GRAMD1B: variants seen among roughly 807,000 people sequenced by gnomAD.
GRAMD1B encodes GRAM domain containing 1B, also known as protein Aster-B.
In GRAMD1B, 37 loss-of-function variants were observed where a neutral mutation model predicts 99.7. The observed-to-expected ratio is 0.37, with a 90% CI of 0.29 to 0.49. The LOEUF (loss-of-function observed/expected upper bound fraction) is 0.49, where lower values mean the gene tolerates loss of function less well. Among genes scored for constraint, GRAMD1B ranks in the 20% least tolerant of loss-of-function variants. GRAMD1B has a pLI of 0.98. For synonymous variants in GRAMD1B, 427 were observed against 387.6 expected (o/e 1.10, Z -1.19); for missense variants, 888 against 1,009.2 (o/e 0.88, Z 1.63).
At chr11:123,361,596 G>A (rs1015983640) in intron 1 of GRAMD1B, among the ~76,000 whole-genome samples, 2 of 152,120 alleles carry the variant, frequency 1.3e-5, no homozygotes, top group Non-Finnish European at 2.9e-5. Context: ...GTCTAGGCAC[G>A]GTCATTCTTC....
At chr11:123,397,750 C>G (rs1338423498) in intron 1 of GRAMD1B, among the ~76,000 whole-genome samples, 1 of 152,152 alleles carries the variant, frequency 6.6e-6, no homozygotes, top group African/African-American at 2.4e-5. Context: ...CTCAGGCAAT[C>G]CTCCCACCTT....
intron 2 of GRAMD1B, among the ~76,000 whole-genome samples, chr11:123,532,267 T>C (rs1012895171): frequency 6.6e-6 from 1 of 152,208 alleles, no homozygotes; most frequent in Non-Finnish European, 1.5e-5. Context: ...TAGAATGTCA[T>C]GGCCCTTCTA....
intron 2 of GRAMD1B, among the ~76,000 whole-genome samples, chr11:123,533,610 A>T (rs1943646822): frequency 6.6e-6 from 1 of 152,036 alleles, no homozygotes; most frequent in South Asian, 2.1e-4. Context: ...TATTTTTAAT[A>T]GAGACAAGAT....
intron 2 of GRAMD1B, chr11:123,526,229 G>A (rs752017008): frequency 7.6e-5 from 111 of 1,463,052 alleles, no homozygotes; most frequent in Non-Finnish European, 9.6e-5. Context: ...CCCTGTGCTC[G>A]CCCCAGCACC....
intron 2 of GRAMD1B, among the ~76,000 whole-genome samples, chr11:123,518,689 C>T (rs925676151): frequency 1.3e-5 from 2 of 152,206 alleles, no homozygotes; most frequent in Non-Finnish European, 2.9e-5. Flanking sequence ...TTTAGCACTT[C>T]ACTGGGCTGC....
intron 1 of GRAMD1B, among the ~76,000 whole-genome samples, chr11:123,463,594 C>G (rs1950536471): frequency 6.6e-6 from 1 of 152,234 alleles, no homozygotes; most frequent in Non-Finnish European, 1.5e-5. Flanking sequence ...CTGGTAATAA[C>G]TGTGCCAACT....
At chr11:123,396,731 T>C (rs1565472171) in intron 1 of GRAMD1B, among the ~76,000 whole-genome samples, 1 of 152,232 alleles carries the variant, frequency 6.6e-6, no homozygotes, top group Non-Finnish European at 1.5e-5. Flanking sequence ...AATATCTTGG[T>C]GCCTAGAGAC....
At chr11:123,550,071 C>A (rs1267790149) in intron 2 of GRAMD1B, among the ~76,000 whole-genome samples, 4 of 152,192 alleles carry the variant, frequency 2.6e-5, no homozygotes, top group South Asian at 4.1e-4. Flanking sequence ...GGAGTCCGTA[C>A]CTCCGTGCCA....
intron 8 of GRAMD1B, among the ~76,000 whole-genome samples, chr11:123,602,869 G>C (rs560836007): frequency 6.6e-6 from 1 of 152,182 alleles, no homozygotes; most frequent in East Asian, 1.9e-4. Flanking sequence ...CTGTGGGAAC[G>C]TAAGACTCTA....
In GRAMD1B at chr11:123,393,758, G is replaced by C. The variant is rs114677391; in HGVS notation, c.-176+34959G>C. ...TTTGTAATCCCCTGTTGGTTACCCA[G>C]GTCCACCCTCTTCAATGTGGAAGGG... On this transcript the variant is annotated intron_variant, in intron 1 of 20. Coordinates refer to the GRAMD1B transcript ENST00000638157. 9.9e-3 allele frequency among the ~76,000 whole-genome samples: 1,502 copies of C among 152,264 alleles called. 32 individuals carry two copies. Among genetic ancestry groups the C allele is most frequent in the African/African-American group, 0.035 (1,454 of 41,536 alleles).
At chr11:123,515,507 C>T (rs565680451) in intron 2 of GRAMD1B, among the ~76,000 whole-genome samples, 3 of 152,264 alleles carry the variant, frequency 2.0e-5, no homozygotes, top group African/African-American at 7.2e-5. Context: ...TCAGATGCCC[C>T]GTCACAGCAG....
At chr11:123,505,083 C>T (rs1311964797) in intron 2 of GRAMD1B, among the ~76,000 whole-genome samples, 2 of 152,198 alleles carry the variant, frequency 1.3e-5, no homozygotes, top group East Asian at 3.8e-4. Flanking sequence ...CTCTTAATGT[C>T]GGACACCCTG....
chr11:123,563,261 C>G (rs1455057238), intron 2 of GRAMD1B, among the ~76,000 whole-genome samples: 1 of 152,166 alleles, frequency 6.6e-6, no homozygotes, highest in Non-Finnish European at 1.5e-5. Context: ...TCAGAGCTGT[C>G]CCAAGGTGCA....
chr11:123,610,529 C>T lies in GRAMD1B; in HGVS notation c.1919+191C>T, dbSNP rs1326504538. On this transcript the variant is annotated intron_variant, in intron 14 of 19. Coordinates refer to ENST00000635736, the MANE Select transcript of GRAMD1B (RefSeq NM_001387025.1). This position sits in a 1 kb window ranked among gnomAD's most constrained non-coding sequence, Gnocchi z 4.1. ...AGTTAATTATTCTCTCCACTCTCTACATCTTGTTAGTAAAACTTGTATAGC... is the reference window on the plus strand; with the variant it reads ...AGTTAATTATTCTCTCCACTCTCTATATCTTGTTAGTAAAACTTGTATAGC... Among the ~76,000 whole-genome samples the T allele has an allele frequency of 6.6e-6, 1 of 152,212 alleles. No homozygotes were observed. The highest frequency in any genetic ancestry group is 2.1e-4 in the South Asian group (1 of 4,828).
intron 2 of GRAMD1B, among the ~76,000 whole-genome samples, chr11:123,498,103 G>A (rs1233959827): frequency 6.6e-6 from 1 of 152,162 alleles, no homozygotes; most frequent in East Asian, 1.9e-4. Flanking sequence ...GATGAATGCT[G>A]CCAGGCCTGG....
chr11:123,471,482 C>A (rs1209233217), intron 1 of GRAMD1B, among the ~76,000 whole-genome samples: 5 of 152,192 alleles, frequency 3.3e-5, no homozygotes, highest in African/African-American at 1.2e-4. Context: ...GCCCAAGAAA[C>A]TTCCCCAGAA....
At chr11:123,378,437 C>T (rs1320014862) in intron 1 of GRAMD1B, among the ~76,000 whole-genome samples, 2 of 152,188 alleles carry the variant, frequency 1.3e-5, no homozygotes, top group African/African-American at 4.8e-5. Context: ...AGTGCACTGT[C>T]TAAGGCTTTT....
chr11:123,600,027 A>C (rs1406369428), intron 7 of GRAMD1B, among the ~76,000 whole-genome samples: 1 of 152,238 alleles, frequency 6.6e-6, no homozygotes, highest in Non-Finnish European at 1.5e-5. Context: ...TCCCTCACAC[A>C]TGTAGATTAG....
At chr11:123,485,005 A>G (rs1951809984) in intron 2 of GRAMD1B, among the ~76,000 whole-genome samples, 1 of 152,160 alleles carries the variant, frequency 6.6e-6, no homozygotes. Flanking sequence ...CAGTGCACCA[A>G]GCTGTGAATG....
Sources: gnomAD v4.1 joint callset for allele counts (sites outside exome capture counted in the v4.1 genomes callset) on GRCh38, gnomAD v4.1.1 for gene constraint, Gnocchi (gnomAD v3.1) non-coding constraint, MANE v1.5 for transcripts, NCBI Gene and HGNC (gene_info 2026-07-23, HGNC 2026-07-21) for gene names.